MYO10: variants seen among roughly 807,000 people sequenced by gnomAD.
MYO10 encodes unconventional myosin-X.
In MYO10, 133 loss-of-function variants were observed where a neutral mutation model predicts 257.3. That is an observed-to-expected ratio of 0.52 (90% CI 0.45 to 0.60). The LOEUF (loss-of-function observed/expected upper bound fraction) is 0.60. Among genes scored for constraint, MYO10 ranks in the 20% least tolerant of loss-of-function variants. The probability of loss-of-function intolerance (pLI) is 0.00; values close to 1 mark genes in which losing one functional copy is unlikely to be tolerated. For synonymous variants in MYO10, 1,104 were observed against 1,028.6 expected, an observed-to-expected ratio of 1.07 and a Z score of -1.40; for missense variants, 2,399 against 2,635.7, an observed-to-expected ratio of 0.91 and a Z score of 1.97.
intron 19 of MYO10, among the ~76,000 whole-genome samples, chr5:16,726,393 G>A (rs1739368591): frequency 6.6e-6 from 1 of 152,206 alleles, no homozygotes; most frequent in Non-Finnish European, 1.5e-5. Context: ...AAGCTATCAT[G>A]TACCAAGGGC....
intron 19 of MYO10, among the ~76,000 whole-genome samples, chr5:16,718,756 C>T (rs1470454123): frequency 1.3e-5 from 2 of 152,012 alleles, no homozygotes; most frequent in East Asian, 1.9e-4. Context: ...ATACACCAAT[C>T]GGCACCCTGT....
rs1009336259 is a variant in MYO10 at position 16,730,697 on chromosome 5, C to T, written c.1930-19452G>A. Reference sequence around the variant, plus strand: ...AAGACAGAATACAGAGACCCAGGTTCCCTGGCCCCTGTGAGAATTACTAGG... The same window carrying T: ...AAGACAGAATACAGAGACCCAGGTTTCCTGGCCCCTGTGAGAATTACTAGG... On this transcript the variant is annotated intron_variant, in intron 19 of 40. Transcript: ENST00000513610. Among the ~76,000 whole-genome samples the T allele has an allele frequency of 2.6e-5, 4 of 152,300 alleles. No homozygotes were observed. In the East Asian group the frequency reaches 7.7e-4, roughly 29 times the overall value.
chr5:16,890,115 T>C (rs1284488036), intron 1 of MYO10, among the ~76,000 whole-genome samples: 1 of 151,884 alleles, frequency 6.6e-6, no homozygotes, highest in Non-Finnish European at 1.5e-5. Flanking sequence ...TCATACATAT[T>C]AATTAATTCC....
intron 4 of MYO10, among the ~76,000 whole-genome samples, chr5:16,788,959 G>A (rs1430492209): frequency 6.6e-6 from 1 of 152,170 alleles, no homozygotes; most frequent in African/African-American, 2.4e-5. Context: ...CAGAGATGCA[G>A]CAATGTCCTC....
chr5:16,744,518 T>TG (rs1274818192), intron 19 of MYO10, among the ~76,000 whole-genome samples: 1 of 152,114 alleles, frequency 6.6e-6, no homozygotes, highest in Non-Finnish European at 1.5e-5. Flanking sequence ...TATCATAATG[T>TG]GCTAGACCCA....
chr5:16,819,374 G>T (rs1322370159), intron 2 of MYO10, among the ~76,000 whole-genome samples: 1 of 152,056 alleles, frequency 6.6e-6, no homozygotes, highest in Non-Finnish European at 1.5e-5. Flanking sequence ...TTTGGTTCAG[G>T]ATTAACCACA....
At chr5:16,763,396 C>G in intron 14 of MYO10, 85 bp downstream of exon 14, 1 of 1,034,554 alleles carries the variant, frequency 9.7e-7, no homozygotes, top group East Asian at 2.4e-5. Context: ...TGTGCGTGTT[C>G]GTGCACGTTA....
intron 3 of MYO10, among the ~76,000 whole-genome samples, chr5:16,806,039 AT>A (rs1189913068): frequency 3.3e-5 from 5 of 151,748 alleles, no homozygotes; most frequent in South Asian, 2.1e-4. Context: ...ACAGCCAATA[AT>A]TTTTTTTTAA....
chr5:16,746,455 T>C (rs905325588), intron 19 of MYO10, among the ~76,000 whole-genome samples: 3 of 152,180 alleles, frequency 2.0e-5, no homozygotes, highest in Admixed American at 2.0e-4. Context: ...GGTTCAAACA[T>C]CTCTGACACT....
chr5:16,817,170 A>G (rs1481678609), intron 3 of MYO10, among the ~76,000 whole-genome samples: 1 of 152,208 alleles, frequency 6.6e-6, no homozygotes, highest in Non-Finnish European at 1.5e-5. Flanking sequence ...AAGAAATGTA[A>G]CTCCTAAAGA....
At chr5:16,833,583 G>C (rs1743220476) in intron 2 of MYO10, among the ~76,000 whole-genome samples, 1 of 152,146 alleles carries the variant, frequency 6.6e-6, no homozygotes, top group Non-Finnish European at 1.5e-5. Context: ...TCAGAGATAA[G>C]ATTTTGGTTT....
chr5:16,934,835 G>C (rs957578022), intron 1 of MYO10, among the ~76,000 whole-genome samples: 2 of 152,198 alleles, frequency 1.3e-5, no homozygotes, highest in Non-Finnish European at 2.9e-5. Flanking sequence ...CTAACACAGA[G>C]GCAAGCCCTC....
At chr5:16,760,178 A>G (rs970023935) in intron 17 of MYO10, among the ~76,000 whole-genome samples, 5 of 151,688 alleles carry the variant, frequency 3.3e-5, no homozygotes, top group East Asian at 1.9e-4. Context: ...TCCGCCGGGC[A>G]TGGTGGCTCA....
At position 16,889,389 on chromosome 5, in the gene MYO10, C is replaced by T. The variant is rs778640454; in HGVS notation, c.22-11682G>A. Among the ~76,000 whole-genome samples the T allele has an allele frequency of 2.0e-5, 3 of 149,482 alleles. No individual in the cohort carries two copies. In the Admixed American group the frequency reaches 2.0e-4, roughly 10 times the overall value. The stretch of plus-strand genomic sequence containing the variant: ...CCACTATACTCCAGCCTGGGCAACA[C>T]AGCAAGACTCCATCAAGAAAGACAG... On this transcript the variant is annotated intron_variant, in intron 1 of 40. Transcript: ENST00000513610.
At chr5:16,879,409 C>T (rs550200418) in intron 1 of MYO10, among the ~76,000 whole-genome samples, 3 of 152,332 alleles carry the variant, frequency 2.0e-5, no homozygotes, top group African/African-American at 7.2e-5. Flanking sequence ...TTTTACGCTA[C>T]TTTAAATGGT....
intron 3 of MYO10, among the ~76,000 whole-genome samples, chr5:16,795,508 G>A (rs1303665843): frequency 1.3e-5 from 2 of 152,244 alleles, no homozygotes; most frequent in East Asian, 3.9e-4. Context: ...GGCTGGGAAA[G>A]GAGAATCACT....
intron 2 of MYO10, among the ~76,000 whole-genome samples, chr5:16,850,376 C>T (rs972134870): frequency 2.0e-5 from 3 of 151,990 alleles, no homozygotes; most frequent in Non-Finnish European, 4.4e-5. Context: ...TGGGTTCAAG[C>T]GATTGATTCT....
chr5:16,887,672 G>T (rs956463131), intron 1 of MYO10, among the ~76,000 whole-genome samples: 1 of 152,018 alleles, frequency 6.6e-6, no homozygotes, highest in Non-Finnish European at 1.5e-5. Flanking sequence ...TGTATTTTTA[G>T]TAGAGACTGG....
intron 1 of MYO10, among the ~76,000 whole-genome samples, chr5:16,917,220 A>G (rs1022988217): frequency 1.3e-5 from 2 of 152,220 alleles, no homozygotes; most frequent in Middle Eastern, 3.4e-3. Flanking sequence ...ATTCACACAC[A>G]CCCCGAAGAG....
Sources: allele counts gnomAD v4.1 joint callset (sites outside exome capture counted in the v4.1 genomes callset), GRCh38; gene constraint gnomAD v4.1.1; transcripts MANE v1.5; gene names NCBI Gene and HGNC (gene_info 2026-07-23, HGNC 2026-07-21).